Variants in PUM2 observed in about 807,000 individuals in gnomAD.
PUM2 encodes pumilio homolog 2.
A neutral mutation model predicts 124.5 loss-of-function variants in PUM2; 57 were observed. The observed-to-expected ratio is 0.46, with a 90% CI of 0.37 to 0.57. PUM2 has a LOEUF of 0.57. Among genes scored for constraint, PUM2 ranks in the 20% least tolerant of loss-of-function variants. The pLI, the probability that PUM2 is intolerant of heterozygous loss-of-function variation, is 0.00. For synonymous variants in PUM2, 460 were observed against 446.1 expected (o/e 1.03, Z -0.39); for missense variants, 1,065 against 1,290.6 (o/e 0.83, Z 2.68).
At chr2:20,320,462 C>T (rs1158195954) in intron 2 of PUM2, among the ~76,000 whole-genome samples, 1 of 151,882 alleles carries the variant, frequency 6.6e-6, no homozygotes, top group East Asian at 1.9e-4. Context: ...CCAGGAGAGG[C>T]AGCTTTAAAG....
chr2:20,309,488 ATTAACACTGGACTAAATT>A (rs1679127267), intron 5 of PUM2, among the ~76,000 whole-genome samples: 1 of 151,660 alleles, frequency 6.6e-6, no homozygotes, highest in East Asian at 1.9e-4. Flanking sequence ...CAAGGAATTC[ATTAACACTGGACTAAATT>A]TTAAGCACTG....
intron 13 of PUM2, among the ~76,000 whole-genome samples, chr2:20,277,563 A>G (rs1340289871): frequency 1.3e-5 from 2 of 152,110 alleles, no homozygotes; most frequent in Non-Finnish European, 1.5e-5. Flanking sequence ...GAACACTGCA[A>G]CAGATACCTT....
intron 9 of PUM2, among the ~76,000 whole-genome samples, chr2:20,291,046 A>G (rs1195213903): frequency 6.6e-6 from 1 of 152,178 alleles, no homozygotes; most frequent in African/African-American, 2.4e-5. Context: ...ACTATTTCTA[A>G]TATCTGTGCT....
intron 8 of PUM2, among the ~76,000 whole-genome samples, chr2:20,295,773 A>G (rs553302500): frequency 6.6e-6 from 1 of 152,330 alleles, no homozygotes; most frequent in African/African-American, 2.4e-5. Context: ...ACATGCTGAA[A>G]TTATTATATT....
chr2:20,274,117 A>T (rs1241091314), intron 13 of PUM2, among the ~76,000 whole-genome samples: 2 of 152,140 alleles, frequency 1.3e-5, no homozygotes, highest in African/African-American at 4.8e-5. Context: ...CTATTAATCA[A>T]CTGATCTTTA....
At chr2:20,289,998 C>T (rs1302709514) in intron 10 of PUM2, among the ~76,000 whole-genome samples, 2 of 152,100 alleles carry the variant, frequency 1.3e-5, no homozygotes, top group African/African-American at 2.4e-5. Context: ...AGTTTAAAAA[C>T]AAATGCTGCA....
intron 10 of PUM2, 82 bp downstream of exon 10, chr2:20,290,569 TG>T: frequency 7.3e-7 from 1 of 1,369,446 alleles, no homozygotes; most frequent in South Asian, 1.7e-5. Flanking sequence ...AAATACAGTT[TG>T]ATTTTTTTCA....
chr2:20,257,043 C>CAA (rs58072146), intron 16 of PUM2, among the ~76,000 whole-genome samples: 783 of 71,756 alleles, frequency 0.011, 55 homozygotes, highest in Middle Eastern at 0.02. Context: ...GATTCCGTCT[C>CAA]AAAAAAAAAA....
chr2:20,301,986 A>C (rs1490201531), intron 7 of PUM2, among the ~76,000 whole-genome samples: 1 of 152,256 alleles, frequency 6.6e-6, no homozygotes, highest in Non-Finnish European at 1.5e-5. Context: ...ATCTTTTGCT[A>C]TAAATAAATA....
intron 3 of PUM2, among the ~76,000 whole-genome samples, chr2:20,315,423 A>G (rs1489162613): frequency 6.6e-6 from 1 of 152,160 alleles, no homozygotes; most frequent in African/African-American, 2.4e-5. Flanking sequence ...GGTGTTATGC[A>G]TATTTTTATG....
At chr2:20,258,117 A>G in intron 16 of PUM2, 126 bp downstream of exon 16, 2 of 861,806 alleles carry the variant, frequency 2.3e-6, no homozygotes, top group Non-Finnish European at 3.4e-6. Flanking sequence ...CACAGTAACA[A>G]CATTTTAGTC....
intron 20 of PUM2, among the ~76,000 whole-genome samples, chr2:20,253,115 G>A (rs1319082863): frequency 6.6e-6 from 1 of 152,160 alleles, no homozygotes; most frequent in Non-Finnish European, 1.5e-5. Context: ...ACGGGCAACT[G>A]TACAGTTAAA....
At chr2:20,320,953 A>T (rs1252303468) in intron 2 of PUM2, among the ~76,000 whole-genome samples, 2 of 152,236 alleles carry the variant, frequency 1.3e-5, no homozygotes, top group African/African-American at 4.8e-5. Flanking sequence ...TGAAGAAAAA[A>T]GTCTCAGTAT....
rs1316045540 is a variant in PUM2, at chr2:20,283,446, A to T, written c.1332T>A (p.Thr444=). 6.2e-7 allele frequency: 1 copy of T among 1,614,000 alleles called. No individual in the cohort carries two copies. Among genetic ancestry groups the T allele is most frequent in the South Asian group, 1.1e-5 (1 of 91,086 alleles). ...CTCCAGGGCCAACCACTAAGGCACC[A>T]GTCTGATCATAATAGGCAGTTGGAG... ...VLAPTAYYDQ[T]GALVVGPGAR... Residue 444 remains threonine, a synonymous_variant, in exon 11 of 21, where the codon ACT becomes ACA. Coordinates refer to ENST00000361078, the MANE Select transcript of PUM2 (RefSeq NM_015317.5).
At chr2:20,262,908 TG>T (rs1295356258) in intron 14 of PUM2, among the ~76,000 whole-genome samples, 6 of 152,168 alleles carry the variant, frequency 3.9e-5, no homozygotes, top group Admixed American at 2.0e-4. Context: ...AGCCCACAAA[TG>T]TAATACAGAG....
chr2:20,321,861 A>T (rs186653564), intron 2 of PUM2, among the ~76,000 whole-genome samples: 19 of 152,146 alleles, frequency 1.2e-4, no homozygotes, highest in Admixed American at 4.6e-4. Flanking sequence ...GTTTCTTATC[A>T]ATCTGCTCTT....
In PUM2 at chr2:20,255,953, G is replaced by A. The variant is rs1057119384; in HGVS notation, c.2622+80C>T. Reference sequence around the variant, plus strand: ...ATACAATTGCTGGGTATTATCTAGTGACTCATGAAAAACGTGTTGATATTC... The same window carrying A: ...ATACAATTGCTGGGTATTATCTAGTAACTCATGAAAAACGTGTTGATATTC... On this transcript the variant is annotated intron_variant, in intron 17 of 20. Transcript: ENST00000361078. 1.0e-5 allele frequency: 14 copies of A among 1,342,970 alleles called. No individual in the cohort carries two copies. The East Asian group carries it at 2.4e-4, about 23-fold the overall frequency. The allele number at this position is 1,342,970 out of a possible 1,614,324, so 83.2% of individuals were successfully genotyped here.
chr2:20,325,053 T>A (rs1683338280), intron 2 of PUM2, among the ~76,000 whole-genome samples: 1 of 151,326 alleles, frequency 6.6e-6, no homozygotes, highest in African/African-American at 2.4e-5. Flanking sequence ...ACCTCACCTG[T>A]CAGGAAAGGA....
intron 10 of PUM2, among the ~76,000 whole-genome samples, chr2:20,289,499 C>T (rs901183185): frequency 6.6e-6 from 1 of 152,106 alleles, no homozygotes; most frequent in African/African-American, 2.4e-5. Context: ...TCCACAATGA[C>T]TCCATGACAG....
Sources: allele counts gnomAD v4.1 joint callset (sites outside exome capture counted in the v4.1 genomes callset), GRCh38; gene constraint gnomAD v4.1.1; transcripts MANE v1.5; gene names NCBI Gene and HGNC (gene_info 2026-07-23, HGNC 2026-07-21).